The following WRNIP1 variants were observed in gnomAD, a reference collection of about 807,000 sequenced individuals.
WRNIP1 encodes the protein ATPase WRNIP1.
WRNIP1 carries 41 observed loss-of-function variants against 56.1 expected under a neutral mutation model. That is an observed-to-expected ratio of 0.73 (90% confidence interval 0.57 to 0.95). The LOEUF (loss-of-function observed/expected upper bound fraction) is 0.95, where lower values mean the gene tolerates loss of function less well. WRNIP1 is among the 40% of genes least tolerant of loss of function. The probability of loss-of-function intolerance (pLI) is 0.00; values close to 1 mark genes in which losing one functional copy is unlikely to be tolerated. For synonymous variants in WRNIP1, 547 were observed against 398.1 expected (o/e 1.37, Z -4.45); for missense variants, 1,170 against 939.4 (o/e 1.25, Z -3.21).
chr6:2,767,532 T>A (rs777236667), intron 1 of WRNIP1, among the ~76,000 whole-genome samples: 10 of 152,238 alleles, frequency 6.6e-5, no homozygotes, highest in Non-Finnish European at 1.3e-4. Flanking sequence ...ATGCCTTCCC[T>A]TTGGCCAGGA....
intron 3 of WRNIP1, among the ~76,000 whole-genome samples, chr6:2,770,833 T>A (rs1173929758): frequency 6.6e-6 from 1 of 152,184 alleles, no homozygotes; most frequent in Non-Finnish European, 1.5e-5. Context: ...CAAGTAAAAA[T>A]TAACTTGTAA....
intron 4 of WRNIP1, 35 bp downstream of exon 4, chr6:2,779,527 A>G (rs2113477482): frequency 1.9e-6 from 3 of 1,586,894 alleles, no homozygotes; most frequent in Middle Eastern, 1.9e-4. Flanking sequence ...GTGAAACCAT[A>G]CGGAAAGAAG....
rs984333270 is a variant in WRNIP1 at position 2,783,549 on chromosome 6, A to G, written c.1630A>G (p.Ser544Gly). ...GGCACGGAGGCTTGTCAGGTTTGCCAGCGAGGACATAGGTGAGTGTGATGG... is the reference window on the plus strand; with the variant it reads ...GGCACGGAGGCTTGTCAGGTTTGCCGGCGAGGACATAGGTGAGTGTGATGG... ...YVARRLVRFASEDIGLADPSA... is the reference protein window; with the variant it reads ...YVARRLVRFAGEDIGLADPSA... The change falls in exon 5 of 7, where the codon AGC becomes GGC. Residue 544 changes from serine (S) to glycine (G), a missense_variant. By Grantham distance (56) the Ser-to-Gly change is moderately conservative. Transcript: ENST00000380773. 4 of 1,610,010 alleles carry G rather than the reference A, an allele frequency of 2.5e-6. No individual in the cohort carries two copies. Among genetic ancestry groups the G allele is most frequent in the Non-Finnish European group, 3.4e-6 (4 of 1,178,404 alleles).
intron 6 of WRNIP1, 118 bp downstream of exon 6, chr6:2,784,521 G>A: frequency 9.7e-7 from 1 of 1,032,026 alleles, no homozygotes. Context: ...CACTGAGTAT[G>A]CTGCTTGGCT....
At chr6:2,770,075 G>T in intron 2 of WRNIP1, 45 bp from the exon 3 acceptor site, 1 of 1,610,462 alleles carries the variant, frequency 6.2e-7, no homozygotes. Flanking sequence ...TCTGCAGGTG[G>T]CTGTTGACTG....
At chr6:2,784,636 T>TG (rs1765664307) in intron 6 of WRNIP1, among the ~76,000 whole-genome samples, 1 of 152,186 alleles carries the variant, frequency 6.6e-6, no homozygotes, top group East Asian at 1.9e-4. Context: ...TCAGAGCACA[T>TG]GCTCCATATG....
intron 3 of WRNIP1, among the ~76,000 whole-genome samples, chr6:2,771,356 G>A (rs750461749): frequency 1.3e-5 from 2 of 152,198 alleles, no homozygotes; most frequent in East Asian, 1.9e-4. Flanking sequence ...CATTTGGCCC[G>A]TGGACCACTG....
chr6:2,786,276 C>A lies in WRNIP1; in HGVS notation c.*994C>A. On this transcript the variant is annotated 3_prime_UTR_variant, in exon 7 of 7. Coordinates refer to ENST00000380773, the MANE Select transcript of WRNIP1 (RefSeq NM_020135.3). Reference sequence around the variant, plus strand: ...GCCTGGGACGTCCTCTGCCTTTATTCTGAGTGAGATGCCCATTTTCTGGAT... The same window carrying A: ...GCCTGGGACGTCCTCTGCCTTTATTATGAGTGAGATGCCCATTTTCTGGAT... 6.6e-6 allele frequency: 1 copy of A among 152,632 alleles called. No homozygotes were observed. Among genetic ancestry groups the A allele is most frequent in the Non-Finnish European group, 1.5e-5 (1 of 68,268 alleles). The allele number at this position is 152,632 out of a possible 1,614,324, so 9.5% of individuals were successfully genotyped here.
chr6:2,772,556 C>G (rs907764799), intron 3 of WRNIP1, among the ~76,000 whole-genome samples: 3 of 152,144 alleles, frequency 2.0e-5, no homozygotes, highest in Admixed American at 2.0e-4. Flanking sequence ...GGGATAATTA[C>G]CCAGGTATCA....
Position 2,770,285 on chromosome 6 carries a change from A to T in WRNIP1, c.1180A>T (p.Asn394Tyr). The T allele has an allele frequency of 6.2e-7, 1 of 1,614,178 alleles. No individual in the cohort carries two copies. The highest frequency in any genetic ancestry group is 8.5e-7 in the Non-Finnish European group (1 of 1,180,030). ...GGTGACTATTTTAATGCGAGCGATC[A>T]ACTCCCTGGGAATCCACGTCCTAGA... ...AMVTILMRAI[N>Y]SLGIHVLDSS... The change falls in exon 3 of 7, where the codon AAC becomes TAC. Residue 394 changes from asparagine to tyrosine, a missense_variant. Asn to Tyr is a moderately radical substitution (Grantham distance 143). Transcript: ENST00000380773.
At chr6:2,784,857 G>A (rs1449428708) in intron 6 of WRNIP1, 150 bp from the exon 7 acceptor site, 14 of 959,696 alleles carry the variant, frequency 1.5e-5, no homozygotes, top group Non-Finnish European at 2.0e-5. Flanking sequence ...TCTGTCGTAG[G>A]TGGTTATCCA....
chr6:2,767,882 G>A (rs935223364), intron 1 of WRNIP1, among the ~76,000 whole-genome samples: 1 of 152,196 alleles, frequency 6.6e-6, no homozygotes, highest in Non-Finnish European at 1.5e-5. Context: ...AGGCAGGCAG[G>A]CGGGGATTTC....
chr6:2,785,300 G>A lies in WRNIP1; in HGVS notation c.*18G>A, dbSNP rs1765683846. 1 of 1,603,952 alleles carries A rather than the reference G, an allele frequency of 6.2e-7. No individual in the cohort carries two copies. Among genetic ancestry groups the A allele is most frequent in the Non-Finnish European group, 8.5e-7 (1 of 1,173,550 alleles). On this transcript the variant is annotated 3_prime_UTR_variant, in exon 7 of 7. Transcript: ENST00000380773. ...GGTGCTGACTCCTCAGGGCACGACA[G>A]CAGAAGGATGTTGCTTTTTTAAGGG...
rs1765726585 is a variant in WRNIP1, at chr6:2,786,835, A to G, written c.*1553A>G. 1 of 152,114 alleles carries G rather than the reference A, an allele frequency of 6.6e-6. No homozygotes were observed. The highest frequency in any genetic ancestry group is 2.4e-5 in the African/African-American group (1 of 41,410). The allele number at this position is 152,114 out of a possible 1,614,324, so 9.4% of individuals were successfully genotyped here. ...CGTGTTTTAAAAGTCTGCACTGGGT[A>G]CTTGTTGGGCCTTTCAATCTGGAAA... On this transcript the variant is annotated 3_prime_UTR_variant, in exon 7 of 7. Coordinates refer to ENST00000380773, the MANE Select transcript of WRNIP1 (RefSeq NM_020135.3).
At chr6:2,776,002 A>G (rs889386589) in intron 3 of WRNIP1, among the ~76,000 whole-genome samples, 2 of 152,204 alleles carry the variant, frequency 1.3e-5, no homozygotes, top group African/African-American at 4.8e-5. Context: ...CTTTATAAAT[A>G]TATGCTTAAT....
Position 2,766,058 on chromosome 6 carries a change from G to T in WRNIP1, c.436G>T (p.Ala146Ser). Residue 146 changes from alanine (A) to serine (S), a missense_variant, in exon 1 of 7, where the codon GCC becomes TCC. Coordinates refer to ENST00000380773, the MANE Select transcript of WRNIP1 (RefSeq NM_020135.3). ...GGGGTCGGGGAAGAGGCCGGCGGCC[G>T]CCGCCGCGGCGGGGAGCGCGTCTCC... Reference protein sequence around the residue: ...RKGSGKRPAAAAAAGSASPRS... With the variant: ...RKGSGKRPAASAAAGSASPRS... The T allele has an allele frequency of 1.5e-6, 2 of 1,293,644 alleles. No homozygotes were observed. The highest frequency in any genetic ancestry group is 9.8e-7 in the Non-Finnish European group (1 of 1,025,170). The allele number at this position is 1,293,644 out of a possible 1,614,324, so 80.1% of individuals were successfully genotyped here. A position where few individuals can be genotyped will look rare whatever the true frequency, so the allele number is the denominator to read the frequency against.
At chr6:2,780,968 G>A (rs1167607974) in intron 4 of WRNIP1, among the ~76,000 whole-genome samples, 1 of 152,154 alleles carries the variant, frequency 6.6e-6, no homozygotes, top group Admixed American at 6.5e-5. Flanking sequence ...TATGGAGATA[G>A]CTATTAATAT....
intron 3 of WRNIP1, chr6:2,773,829 G>A (rs2113468287): frequency 1.0e-6 from 1 of 985,258 alleles, no homozygotes. Flanking sequence ...TCAAGAGAGT[G>A]AAATGAGAAG....
chr6:2,782,354 AC>A (rs1765581395), intron 4 of WRNIP1, among the ~76,000 whole-genome samples: 1 of 152,228 alleles, frequency 6.6e-6, no homozygotes, highest in African/African-American at 2.4e-5. Context: ...GCTCTCAGAA[AC>A]CAGAATCACT....
Sources: allele counts gnomAD v4.1 joint callset (sites outside exome capture counted in the v4.1 genomes callset), GRCh38; gene constraint gnomAD v4.1.1; transcripts MANE v1.5; gene names NCBI Gene and HGNC (gene_info 2026-07-23, HGNC 2026-07-21).